LRRC69: variants seen among roughly 807,000 people sequenced by gnomAD.
The protein encoded by LRRC69 is leucine rich repeat containing 69, also known as leucine-rich repeat-containing protein 69.
LRRC69 carries 42 observed loss-of-function variants against 37.8 expected under a neutral mutation model. The observed-to-expected ratio is 1.11, with a 90% CI of 0.87 to 1.44. The LOEUF is 1.44. Ranked by LOEUF, LRRC69 falls within the 40% of genes most tolerant of loss-of-function variation. The pLI, the probability that LRRC69 is intolerant of heterozygous loss-of-function variation, is 0.00. For missense variants in LRRC69, 357 were observed against 401.9 expected, an observed-to-expected ratio of 0.89 and a Z score of 0.96; for synonymous variants, 141 against 143.1, an observed-to-expected ratio of 0.99 and a Z score of 0.11.
chr8:91,188,029 A>G (rs547663689), intron 5 of LRRC69, among the ~76,000 whole-genome samples: 1 of 152,328 alleles, frequency 6.6e-6, no homozygotes, highest in Admixed American at 6.5e-5. Context: ...ATGAAGCACA[A>G]GGAATAACCC....
intron 5 of LRRC69, among the ~76,000 whole-genome samples, chr8:91,169,588 G>A (rs1809089626): frequency 6.7e-6 from 1 of 150,150 alleles, no homozygotes; most frequent in African/African-American, 2.5e-5. Flanking sequence ...AGTTACATAT[G>A]TATACATGTG....
chr8:91,192,604 G>A (rs2130614835), intron 6 of LRRC69, among the ~76,000 whole-genome samples: 1 of 152,098 alleles, frequency 6.6e-6, no homozygotes, highest in Non-Finnish European at 1.5e-5. Flanking sequence ...CAGTGATGAT[G>A]AGCATTTTTT....
intron 1 of LRRC69, among the ~76,000 whole-genome samples, chr8:91,119,010 GACTA>G (rs1319851459): frequency 2.0e-5 from 3 of 152,004 alleles, no homozygotes; most frequent in Non-Finnish European, 2.9e-5. Flanking sequence ...TCATATTTAA[GACTA>G]ACTACTAACA....
intron 1 of LRRC69, among the ~76,000 whole-genome samples, chr8:91,106,202 G>A (rs369514813): frequency 6.6e-6 from 1 of 151,880 alleles, no homozygotes; most frequent in African/African-American, 2.4e-5. Flanking sequence ...TTCTTATGTG[G>A]CTATAGTCAT....
At chr8:91,150,026 G>T (rs1261466188) in intron 5 of LRRC69, among the ~76,000 whole-genome samples, 1 of 151,960 alleles carries the variant, frequency 6.6e-6, no homozygotes. Context: ...CATGTCATCT[G>T]CAAACAGGGA....
chr8:91,170,378 T>TGGAAAAAA (rs1437414968), intron 5 of LRRC69, among the ~76,000 whole-genome samples: 19 of 150,488 alleles, frequency 1.3e-4, no homozygotes, highest in African/African-American at 4.7e-4. Context: ...CCAATGCCTT[T>TGGAAAAAA]CTTCACAGAA....
chr8:91,206,864 A>G, intron 7 of LRRC69: 2 of 1,285,676 alleles, frequency 1.6e-6, no homozygotes, highest in Non-Finnish European at 2.0e-6. Context: ...TGCCAATTTC[A>G]GAAAGCTGCC....
intron 5 of LRRC69, among the ~76,000 whole-genome samples, chr8:91,151,374 G>T (rs577673652): frequency 6.6e-6 from 1 of 151,582 alleles, no homozygotes; most frequent in Non-Finnish European, 1.5e-5. Context: ...AGGTTGTTCC[G>T]TTTCCATGTA....
At chr8:91,133,340 TGGA>T (rs1204184899) in intron 4 of LRRC69, 35 bp downstream of exon 4, 1 of 1,438,872 alleles carries the variant, frequency 6.9e-7, no homozygotes, top group South Asian at 1.4e-5. Flanking sequence ...AGTTTGCTGT[TGGA>T]GAAGAACTCA....
intron 5 of LRRC69, among the ~76,000 whole-genome samples, chr8:91,171,340 G>A (rs1013621072): frequency 3.3e-5 from 5 of 151,734 alleles, no homozygotes; most frequent in Non-Finnish European, 7.4e-5. Flanking sequence ...GTTGAGCTTC[G>A]GAGGATCATA....
At chr8:91,104,273 G>A (rs1419889077) in intron 1 of LRRC69, among the ~76,000 whole-genome samples, 1 of 151,836 alleles carries the variant, frequency 6.6e-6, no homozygotes, top group East Asian at 1.9e-4. Context: ...ACCTTCAGCT[G>A]TCCTTTCCTC....
At chr8:91,177,751 A>G (rs913964987) in intron 5 of LRRC69, among the ~76,000 whole-genome samples, 4 of 152,108 alleles carry the variant, frequency 2.6e-5, no homozygotes, top group African/African-American at 9.7e-5. Flanking sequence ...TAGCAGTAGA[A>G]TTGTAGGGTT....
intron 6 of LRRC69, among the ~76,000 whole-genome samples, chr8:91,200,162 A>T (rs1809688119): frequency 6.6e-6 from 1 of 152,180 alleles, no homozygotes; most frequent in Non-Finnish European, 1.5e-5. Flanking sequence ...CATTCTGCAT[A>T]TCTAATAAGC....
intron 5 of LRRC69, among the ~76,000 whole-genome samples, chr8:91,157,030 A>G (rs1808847900): frequency 6.6e-6 from 1 of 150,388 alleles, no homozygotes; most frequent in East Asian, 2.0e-4. Flanking sequence ...TTTGTGGTAT[A>G]TTTTGAAGTC....
At chr8:91,210,540 AAC>A (rs1268440185) in intron 7 of LRRC69, among the ~76,000 whole-genome samples, 1 of 128,208 alleles carries the variant, frequency 7.8e-6, no homozygotes, top group Non-Finnish European at 1.7e-5. Flanking sequence ...CAGGATTTTA[AAC>A]ACAGACACAC....
intron 5 of LRRC69, among the ~76,000 whole-genome samples, chr8:91,153,197 G>C (rs1261682026): frequency 6.6e-6 from 1 of 151,356 alleles, no homozygotes; most frequent in Non-Finnish European, 1.5e-5. Flanking sequence ...CCCAATACAG[G>C]AGGACCCAGA....
rs1348687260 is a variant in LRRC69, at chr8:91,170,597, C to T, written c.652-18925C>T. 2.8e-5 allele frequency among the ~76,000 whole-genome samples: 2 copies of T among 71,702 alleles called. 1 individual carries two copies. 47.0% of individuals were successfully genotyped at this position (71,702 alleles called of 152,430 possible). On this transcript the variant is annotated intron_variant, in intron 5 of 7. Coordinates refer to ENST00000448384, the Ensembl canonical transcript of LRRC69. The stretch of plus-strand genomic sequence containing the variant: ...AACAGAGCCCTCAGAAATAACGCCG[C>T]GTATCTACAACTATCTGATCTTTGA...
chr8:91,204,906 A>G (rs1024727522), intron 7 of LRRC69, among the ~76,000 whole-genome samples: 3 of 152,222 alleles, frequency 2.0e-5, no homozygotes, highest in Non-Finnish European at 4.4e-5. Context: ...AGTTTGAGAA[A>G]TTGGAAAACA....
intron 5 of LRRC69, among the ~76,000 whole-genome samples, chr8:91,156,383 G>T (rs554710035): frequency 6.6e-6 from 1 of 151,030 alleles, no homozygotes; most frequent in South Asian, 2.1e-4. Flanking sequence ...TTTGAGAAAT[G>T]TCTATTCAGA....
Sources: allele counts gnomAD v4.1 joint callset (sites outside exome capture counted in the v4.1 genomes callset), GRCh38; gene constraint gnomAD v4.1.1; transcripts MANE v1.5; gene names NCBI Gene and HGNC (gene_info 2026-07-23, HGNC 2026-07-21).